The following ERP44 variants were observed in gnomAD, a reference collection of about 807,000 sequenced individuals.
The protein encoded by ERP44 is endoplasmic reticulum resident protein 44.
Under a neutral mutation model 53.4 loss-of-function variants are expected in ERP44, and 25 were observed. The ratio of observed to expected loss-of-function variants is 0.47; its 90% CI spans 0.34 to 0.65. ERP44 has a LOEUF of 0.65. Among genes scored for constraint, ERP44 ranks in the 30% least tolerant of loss-of-function variants. The pLI, the probability that ERP44 is intolerant of heterozygous loss-of-function variation, is 0.01. For missense variants in ERP44, 338 were observed against 493.2 expected (o/e 0.69, Z 2.98); for synonymous variants, 145 against 161.2 (o/e 0.90, Z 0.76).
chr9:100,016,462 AT>A, intron 7 of ERP44, 24 bp from the exon 8 acceptor site: 1 of 1,573,592 alleles, frequency 6.4e-7, no homozygotes, highest in Admixed American at 2.0e-5. Context: ...GAAAAAAAAA[AT>A]TAAATCTAAC....
intron 10 of ERP44, among the ~76,000 whole-genome samples, chr9:99,987,919 C>G (rs1830211960): frequency 6.6e-6 from 1 of 152,138 alleles, no homozygotes; most frequent in Non-Finnish European, 1.5e-5. Context: ...AAGTTCTTTC[C>G]AGATTTTGGT....
Position 99,979,886 on chromosome 9 carries a change from C to A in ERP44, c.*2726G>T. 1 of 398,372 alleles carries A rather than the reference C, an allele frequency of 2.5e-6. No homozygotes were observed. The allele number at this position is 398,372 out of a possible 1,614,324, so 24.7% of individuals were successfully genotyped here. A position where few individuals can be genotyped will look rare whatever the true frequency, so the allele number is the denominator to read the frequency against. On this transcript the variant is annotated 3_prime_UTR_variant, in exon 12 of 12. Transcript: ENST00000262455. ...GTGAACATACTTCCTTGCTTGCAAT[C>A]TGTTGATGGATCTCTTCTGCCTACA...
intron 1 of ERP44, among the ~76,000 whole-genome samples, chr9:100,076,594 A>G (rs1826359112): frequency 6.6e-6 from 1 of 152,218 alleles, no homozygotes; most frequent in Non-Finnish European, 1.5e-5. Flanking sequence ...CTTTGCATGG[A>G]AGGAGAAATG....
intron 4 of ERP44, among the ~76,000 whole-genome samples, chr9:100,037,252 G>T (rs1200653167): frequency 6.6e-6 from 1 of 152,186 alleles, no homozygotes; most frequent in Non-Finnish European, 1.5e-5. Flanking sequence ...AAATTGAACA[G>T]AACTCAGCTG....
chr9:100,067,490 G>A (rs1343642544), intron 1 of ERP44, among the ~76,000 whole-genome samples: 1 of 152,356 alleles, frequency 6.6e-6, no homozygotes, highest in East Asian at 1.9e-4. Flanking sequence ...GGTTCACTCA[G>A]TGCTCAATGG....
chr9:100,050,073 A>G (rs907627478), intron 4 of ERP44, among the ~76,000 whole-genome samples: 1 of 151,444 alleles, frequency 6.6e-6, no homozygotes, highest in African/African-American at 2.4e-5. Context: ...AAAACCTCAT[A>G]CTGTATGATT....
At chr9:100,027,111 G>C (rs2118664331) in intron 4 of ERP44, among the ~76,000 whole-genome samples, 1 of 152,290 alleles carries the variant, frequency 6.6e-6, no homozygotes, top group East Asian at 1.9e-4. Context: ...ATCCAGTGTT[G>C]TGATAAGCAG....
intron 4 of ERP44, among the ~76,000 whole-genome samples, chr9:100,049,845 T>C (rs1826017752): frequency 6.6e-6 from 1 of 152,196 alleles, no homozygotes; most frequent in Admixed American, 6.5e-5. Flanking sequence ...TCCTTATTTG[T>C]ATAAAGATTT....
intron 4 of ERP44, among the ~76,000 whole-genome samples, chr9:100,051,183 T>A (rs1167964361): frequency 1.3e-5 from 2 of 152,206 alleles, no homozygotes; most frequent in Admixed American, 6.5e-5. Flanking sequence ...TGAAATGATT[T>A]ACTATTGGAA....
rs978082932 is a variant in ERP44, at chr9:100,039,550, T to C, written c.286+12867A>G. On this transcript the variant is annotated intron_variant, in intron 4 of 11. Coordinates refer to ENST00000262455, the MANE Select transcript of ERP44 (RefSeq NM_015051.3). ...GCAAAAGTAGAACTAAGAGAGAAGT[T>C]TATGGCTACATCAAAAAATAAGAAA... Among the ~76,000 whole-genome samples the C allele has an allele frequency of 2.0e-5, 3 of 151,862 alleles. No individual in the cohort carries two copies. In the East Asian group the frequency reaches 5.8e-4, roughly 29 times the overall value.
In ERP44 at chr9:100,029,091, T is replaced by C. The variant is rs930032003; in HGVS notation, c.287-6865A>G. 9.2e-5 allele frequency among the ~76,000 whole-genome samples: 14 copies of C among 151,826 alleles called. No individual in the cohort carries two copies. The East Asian group carries it at 1.7e-3, about 19-fold the overall frequency. ...ACTATAAAACCAGTAGAAGAAAACA[T>C]AGGGGAAATGCTTTAGCACATTGGT... On this transcript the variant is annotated intron_variant, in intron 4 of 11. Transcript: ENST00000262455.
intron 8 of ERP44, among the ~76,000 whole-genome samples, chr9:100,011,712 T>C (rs1830478297): frequency 6.6e-6 from 1 of 152,068 alleles, no homozygotes; most frequent in East Asian, 1.9e-4. Context: ...ACAATATGAA[T>C]TACTCAGAAT....
intron 1 of ERP44, among the ~76,000 whole-genome samples, chr9:100,064,477 T>C (rs1030211517): frequency 6.6e-6 from 1 of 152,188 alleles, no homozygotes; most frequent in African/African-American, 2.4e-5. Context: ...TATAATTTGG[T>C]TTTAATTATA....
intron 10 of ERP44, among the ~76,000 whole-genome samples, chr9:99,995,480 C>A (rs1242583270): frequency 6.6e-6 from 1 of 152,072 alleles, no homozygotes; most frequent in African/African-American, 2.4e-5. Context: ...TTTATAGATG[C>A]CCTTTGAAAG....
intron 10 of ERP44, among the ~76,000 whole-genome samples, chr9:100,003,824 T>C (rs1830402239): frequency 6.6e-6 from 1 of 151,514 alleles, no homozygotes; most frequent in African/African-American, 2.4e-5. Context: ...GGGTCAAGAG[T>C]CCACAGGGGC....
At chr9:100,039,238 C>G (rs1825877166) in intron 4 of ERP44, among the ~76,000 whole-genome samples, 1 of 152,178 alleles carries the variant, frequency 6.6e-6, no homozygotes, top group Non-Finnish European at 1.5e-5. Context: ...AATACACATT[C>G]TTTTCCTCAT....
intron 4 of ERP44, among the ~76,000 whole-genome samples, chr9:100,038,448 C>A (rs6478998): frequency 0.68 from 102,906 of 151,886 alleles, 36,074 homozygotes; most frequent in East Asian, 0.91. Context: ...ATGAGTTATA[C>A]GATAGTATCT....
intron 1 of ERP44, among the ~76,000 whole-genome samples, chr9:100,067,567 T>A (rs999228649): frequency 2.6e-5 from 4 of 152,216 alleles, no homozygotes; most frequent in Non-Finnish European, 4.4e-5. Flanking sequence ...GCCGCCTGCC[T>A]TGGCCTCCCA....
At chr9:100,023,338 A>G (rs1479632449) in intron 4 of ERP44, among the ~76,000 whole-genome samples, 3 of 151,736 alleles carry the variant, frequency 2.0e-5, no homozygotes, top group Non-Finnish European at 4.4e-5. Flanking sequence ...ACCTGTAATA[A>G]AGCACAAGCC....
Sources: gnomAD v4.1 joint callset for allele counts (sites outside exome capture counted in the v4.1 genomes callset) on GRCh38, gnomAD v4.1.1 for gene constraint, MANE v1.5 for transcripts, NCBI Gene and HGNC (gene_info 2026-07-23, HGNC 2026-07-21) for gene names.